The following BMERB1 variants were observed in gnomAD, a reference collection of about 807,000 sequenced individuals.
BMERB1 encodes the protein bMERB domain containing 1.
In BMERB1, 12 loss-of-function variants were observed where a neutral mutation model predicts 23.6. The observed-to-expected ratio is 0.51, with a 90% CI of 0.33 to 0.82. BMERB1 has a LOEUF of 0.82. Ranked by LOEUF, BMERB1 falls within the 40% of genes least tolerant of loss-of-function variation. The pLI, the probability that BMERB1 is intolerant of heterozygous loss-of-function variation, is 0.03. For missense variants in BMERB1, 247 were observed against 255.4 expected (o/e 0.97, Z 0.22); for synonymous variants, 122 against 96.6 (o/e 1.26, Z -1.54).
chr16:15,456,726 CT>C (rs1376661618), intron 1 of BMERB1, among the ~76,000 whole-genome samples: 1 of 152,080 alleles, frequency 6.6e-6, no homozygotes, highest in East Asian at 1.9e-4. Flanking sequence ...TTAATTAATT[CT>C]TTATTGATGG....
At chr16:15,559,026 C>T (rs2030346542) in intron 2 of BMERB1, among the ~76,000 whole-genome samples, 1 of 151,624 alleles carries the variant, frequency 6.6e-6, no homozygotes, top group South Asian at 2.1e-4. Flanking sequence ...GATCTTAAAA[C>T]TTATATAGCT....
chr16:15,501,967 T>G (rs1388874463), intron 1 of BMERB1, among the ~76,000 whole-genome samples: 2 of 152,202 alleles, frequency 1.3e-5, no homozygotes, highest in Non-Finnish European at 2.9e-5. Flanking sequence ...CAAAATTACA[T>G]ATGTGGCTAG....
intron 1 of BMERB1, among the ~76,000 whole-genome samples, chr16:15,484,244 C>G (rs1022203278): frequency 6.6e-6 from 1 of 152,180 alleles, no homozygotes; most frequent in African/African-American, 2.4e-5. Context: ...TTGGAGGGAA[C>G]AGATGTTCAG....
intron 5 of BMERB1, among the ~76,000 whole-genome samples, chr16:15,584,724 C>CA (rs2031099672): frequency 6.6e-6 from 1 of 152,178 alleles, no homozygotes; most frequent in Non-Finnish European, 1.5e-5. Context: ...CCTCTCTTTG[C>CA]ATGTAAGCAT....
chr16:15,537,439 T>C (rs1012382837), intron 2 of BMERB1, among the ~76,000 whole-genome samples: 4 of 150,494 alleles, frequency 2.7e-5, no homozygotes, highest in Non-Finnish European at 4.4e-5. Flanking sequence ...ACTGCAACCT[T>C]GTCTCCCAAG....
At chr16:15,584,706 C>G (rs2031099115) in intron 5 of BMERB1, among the ~76,000 whole-genome samples, 1 of 152,164 alleles carries the variant, frequency 6.6e-6, no homozygotes, top group Non-Finnish European at 1.5e-5. Flanking sequence ...TTCTTTTTCT[C>G]ATCTCTGCCT....
At chr16:15,570,901 G>T (rs2030708500) in intron 3 of BMERB1, among the ~76,000 whole-genome samples, 1 of 151,954 alleles carries the variant, frequency 6.6e-6, no homozygotes, top group East Asian at 1.9e-4. Flanking sequence ...GCACTGATGG[G>T]AGTACCTCTT....
chr16:15,454,160 A>T (rs2051065053), intron 1 of BMERB1, among the ~76,000 whole-genome samples: 1 of 152,320 alleles, frequency 6.6e-6, no homozygotes, highest in South Asian at 2.1e-4. Flanking sequence ...AGAACTGTAC[A>T]CAGCACAGAG....
intron 1 of BMERB1, among the ~76,000 whole-genome samples, chr16:15,512,012 C>CAAAAAAAAAAAAAAAAA (rs57021793): frequency 1.6e-5 from 1 of 61,148 alleles, no homozygotes; most frequent in African/African-American, 5.8e-5. Flanking sequence ...GACTTGCTCT[C>CAAAAAAAAAAAAAAAAA]AAAAAAAAAA....
chr16:15,495,199 A>G (rs1036076690), intron 1 of BMERB1, among the ~76,000 whole-genome samples: 6 of 147,614 alleles, frequency 4.1e-5, no homozygotes, highest in Admixed American at 2.0e-4. Flanking sequence ...TACTTTTATT[A>G]TTATTATTAT....
chr16:15,579,934 G>A (rs752390447), intron 3 of BMERB1, among the ~76,000 whole-genome samples: 3 of 152,230 alleles, frequency 2.0e-5, no homozygotes, highest in Non-Finnish European at 2.9e-5. Context: ...TTTCAAAATT[G>A]TATGCAATTT....
At chr16:15,541,408 G>A (rs189197507) in intron 2 of BMERB1, among the ~76,000 whole-genome samples, 11 of 146,610 alleles carry the variant, frequency 7.5e-5, no homozygotes, top group African/African-American at 2.5e-4. Context: ...GGGACTGGAA[G>A]TTGCCCGCCG....
At chr16:15,551,158 T>G (rs529653094) in intron 2 of BMERB1, among the ~76,000 whole-genome samples, 3 of 152,350 alleles carry the variant, frequency 2.0e-5, no homozygotes, top group African/African-American at 7.2e-5. Context: ...TCACCGCCTT[T>G]GATAGATGCG....
intron 1 of BMERB1, among the ~76,000 whole-genome samples, chr16:15,440,596 AG>A: frequency 6.6e-6 from 1 of 152,262 alleles, no homozygotes; most frequent in East Asian, 1.9e-4. Context: ...TTCTGATTCT[AG>A]AAGTAATACA....
intron 2 of BMERB1, among the ~76,000 whole-genome samples, chr16:15,536,174 T>C (rs2052022810): frequency 6.6e-6 from 1 of 152,080 alleles, no homozygotes; most frequent in Non-Finnish European, 1.5e-5. Context: ...GTTTACTCTT[T>C]GAAGGCTGTC....
At chr16:15,537,952 C>T (rs906297861) in intron 2 of BMERB1, among the ~76,000 whole-genome samples, 12 of 152,164 alleles carry the variant, frequency 7.9e-5, no homozygotes, top group African/African-American at 2.7e-4. Context: ...AGCCACCGTG[C>T]GTGGCTGAAA....
chr16:15,501,579 A>G (rs2051531040), intron 1 of BMERB1, among the ~76,000 whole-genome samples: 1 of 152,100 alleles, frequency 6.6e-6, no homozygotes, highest in Non-Finnish European at 1.5e-5. Flanking sequence ...AGTTCAAGCA[A>G]TTCTCCTGCC....
intron 1 of BMERB1, among the ~76,000 whole-genome samples, chr16:15,488,384 A>C (rs1402729317): frequency 5.3e-5 from 8 of 151,988 alleles, no homozygotes. Context: ...TTGGGGCCAT[A>C]TTTTTCATAC....
chr16:15,528,854 C>T (rs889734256), intron 2 of BMERB1, among the ~76,000 whole-genome samples: 7 of 152,042 alleles, frequency 4.6e-5, no homozygotes, highest in African/African-American at 1.2e-4. Flanking sequence ...GGATGGGATT[C>T]GTGCCCATGT....
Sources: allele counts gnomAD v4.1 joint callset (sites outside exome capture counted in the v4.1 genomes callset), GRCh38; gene constraint gnomAD v4.1.1; transcripts MANE v1.5; gene names NCBI Gene and HGNC (gene_info 2026-07-23, HGNC 2026-07-21).